Variants in MARCHF8 observed in about 807,000 individuals in gnomAD.
MARCHF8 encodes the protein E3 ubiquitin-protein ligase MARCHF8.
A neutral mutation model predicts 51.6 loss-of-function variants in MARCHF8; 40 were observed. The observed-to-expected ratio is 0.77, with a 90% CI of 0.60 to 1.01. MARCHF8 has a LOEUF of 1.01. Ranked by LOEUF, MARCHF8 falls within the 50% of genes least tolerant of loss-of-function variation. MARCHF8 has a pLI of 0.00. For synonymous variants in MARCHF8, 263 were observed against 280.3 expected, an observed-to-expected ratio of 0.94 and a Z score of 0.62; for missense variants, 685 against 708.6, an observed-to-expected ratio of 0.97 and a Z score of 0.38.
At chr10:45,486,993 T>G (rs1229038187) in intron 3 of MARCHF8, among the ~76,000 whole-genome samples, 1 of 151,154 alleles carries the variant, frequency 6.6e-6, no homozygotes, top group Non-Finnish European at 1.5e-5. Context: ...GGAATTTTAG[T>G]AAAGATGGGG....
At chr10:45,458,650 G>GT (rs905090599) in intron 7 of MARCHF8, 107 bp from the exon 8 acceptor site, 37 of 1,217,878 alleles carry the variant, frequency 3.0e-5, no homozygotes, top group Non-Finnish European at 4.0e-5. Flanking sequence ...TGTTGTTGTT[G>GT]TTTTTTAAGA....
At chr10:45,473,385 C>T (rs1334721352) in intron 3 of MARCHF8, among the ~76,000 whole-genome samples, 3 of 152,242 alleles carry the variant, frequency 2.0e-5, no homozygotes, top group Non-Finnish European at 4.4e-5. Context: ...GCCTACAGAG[C>T]CAGGCTGGCT....
chr10:45,532,646 C>T (rs1448115934), intron 2 of MARCHF8, among the ~76,000 whole-genome samples: 3 of 152,232 alleles, frequency 2.0e-5, no homozygotes, highest in African/African-American at 7.2e-5. Context: ...TGCTGGCACC[C>T]TGATCTCAGA....
At chr10:45,594,134 A>G (rs181419766) in intron 1 of MARCHF8, 2 of 152,380 alleles carry the variant, frequency 1.3e-5, no homozygotes, top group Admixed American at 1.3e-4. Context: ...TAAGTTTTCT[A>G]TTAAAAACTT....
chr10:45,574,368 G>A (rs1232553703), intron 1 of MARCHF8, among the ~76,000 whole-genome samples: 1 of 152,072 alleles, frequency 6.6e-6, no homozygotes, highest in Non-Finnish European at 1.5e-5. Flanking sequence ...AAATTGTTTT[G>A]CCTATCTACC....
chr10:45,474,432 G>T (rs1263619553), intron 3 of MARCHF8, among the ~76,000 whole-genome samples: 3 of 151,972 alleles, frequency 2.0e-5, no homozygotes, highest in Non-Finnish European at 4.4e-5. Flanking sequence ...GAGATGGAAA[G>T]TTGGCTTGCC....
intron 3 of MARCHF8, among the ~76,000 whole-genome samples, chr10:45,484,025 T>A (rs904919331): frequency 6.6e-6 from 1 of 152,130 alleles, no homozygotes; most frequent in Non-Finnish European, 1.5e-5. Context: ...TAACAATATA[T>A]TATATACTTC....
At chr10:45,486,804 C>CTT (rs34757159) in intron 3 of MARCHF8, among the ~76,000 whole-genome samples, 82 of 94,550 alleles carry the variant, frequency 8.7e-4, no homozygotes, top group Middle Eastern at 7.7e-3. Context: ...TATTACCCTA[C>CTT]TTTTTTTTTT....
At chr10:45,542,013 C>T (rs2044059546) in intron 1 of MARCHF8, among the ~76,000 whole-genome samples, 1 of 152,010 alleles carries the variant, frequency 6.6e-6, no homozygotes, top group Non-Finnish European at 1.5e-5. Flanking sequence ...TTTTAAAAAC[C>T]ACTCTACCCT....
chr10:45,573,862 C>T (rs1212310258), intron 1 of MARCHF8, among the ~76,000 whole-genome samples: 6 of 152,182 alleles, frequency 3.9e-5, no homozygotes, highest in Admixed American at 3.3e-4. Context: ...GAAGACCACG[C>T]TTCTAAAACC....
At chr10:45,516,309 T>C (rs1173448222) in intron 2 of MARCHF8, among the ~76,000 whole-genome samples, 1 of 152,206 alleles carries the variant, frequency 6.6e-6, no homozygotes. Flanking sequence ...CTCCAGTATG[T>C]TTCATTTTGC....
At chr10:45,577,730 C>T (rs559950616) in intron 1 of MARCHF8, among the ~76,000 whole-genome samples, 6 of 152,200 alleles carry the variant, frequency 3.9e-5, no homozygotes, top group South Asian at 2.1e-4. Context: ...AGCAGCATAA[C>T]GAACTAAGAT....
Position 45,463,153 on chromosome 10 carries a change from G to A in MARCHF8, c.1086C>T (p.Cys362=). 2 of 1,547,950 alleles carry A rather than the reference G, an allele frequency of 1.3e-6. No individual in the cohort carries two copies. Among genetic ancestry groups the A allele is most frequent in the Non-Finnish European group, 1.7e-6 (2 of 1,145,322 alleles). ...ISPVSTSGDV[C]RICHCEGDDE... is the part of the protein sequence containing the mutation. ...ATGGCACTTCCTGGCAAACCAACCTGCAGACATCCCCTGACGTGGACACGG... is the reference window on the plus strand; with the variant it reads ...ATGGCACTTCCTGGCAAACCAACCTACAGACATCCCCTGACGTGGACACGG... Residue 362 remains cysteine, a splice_region_variant and synonymous_variant, in exon 5 of 8, where the codon TGC becomes TGT. Transcript: ENST00000453424.
At chr10:45,563,712 A>G (rs573642101) in intron 1 of MARCHF8, among the ~76,000 whole-genome samples, 23 of 152,376 alleles carry the variant, frequency 1.5e-4, no homozygotes, top group African/African-American at 5.5e-4. Context: ...AATCTATGTA[A>G]ATGAATTAAA....
At chr10:45,507,469 A>C (rs2043407338) in intron 2 of MARCHF8, among the ~76,000 whole-genome samples, 1 of 149,154 alleles carries the variant, frequency 6.7e-6, no homozygotes, top group South Asian at 2.1e-4. Flanking sequence ...ATACAGGGAG[A>C]AGGAGAACAG....
chr10:45,496,668 T>C (rs1030961166), intron 2 of MARCHF8, among the ~76,000 whole-genome samples: 7 of 152,180 alleles, frequency 4.6e-5, no homozygotes, highest in East Asian at 3.9e-4. Flanking sequence ...TAAATAGATA[T>C]GTATAAACAA....
At chr10:45,482,110 G>T (rs1260565708) in intron 3 of MARCHF8, among the ~76,000 whole-genome samples, 1 of 152,140 alleles carries the variant, frequency 6.6e-6, no homozygotes, top group East Asian at 1.9e-4. Context: ...TTTAATCAAA[G>T]AGGTGAAAGG....
chr10:45,514,475 T>C (rs1222734916), intron 2 of MARCHF8, among the ~76,000 whole-genome samples: 1 of 152,270 alleles, frequency 6.6e-6, no homozygotes, highest in Admixed American at 6.5e-5. Context: ...CAGCAGCACA[T>C]GGCTGGCTGT....
chr10:45,472,036 C>T (rs1029664730), intron 3 of MARCHF8, among the ~76,000 whole-genome samples: 6 of 152,188 alleles, frequency 3.9e-5, no homozygotes, highest in East Asian at 1.9e-4. Flanking sequence ...ACTCTAAGAG[C>T]GAACCCTGAG....
Sources: allele counts gnomAD v4.1 joint callset (sites outside exome capture counted in the v4.1 genomes callset), GRCh38; gene constraint gnomAD v4.1.1; transcripts MANE v1.5; gene names NCBI Gene and HGNC (gene_info 2026-07-23, HGNC 2026-07-21).